ABCA13: variants seen among roughly 807,000 people sequenced by gnomAD.
The protein encoded by ABCA13 is ATP-binding cassette sub-family A member 13.
ABCA13 carries 476 observed loss-of-function variants against 478.7 expected under a neutral mutation model. That is an observed-to-expected ratio of 0.99 (90% CI 0.92 to 1.07). The LOEUF (loss-of-function observed/expected upper bound fraction) is 1.07, where lower values mean the gene tolerates loss of function less well. Among genes scored for constraint, ABCA13 ranks in the 50% least tolerant of loss-of-function variants. ABCA13 has a pLI of 0.00. For synonymous variants in ABCA13, 2,252 were observed against 2,158.9 expected (o/e 1.04, Z -1.20); for missense variants, 6,060 against 5,910.6 (o/e 1.03, Z -0.83).
Position 48,615,295 on chromosome 7 carries a change from T to C in ABCA13, c.14755T>C (p.Cys4919Arg). ...TTTCCTTCTTTACAGCATGGAGGAGTGTGAGGCTCTTTGCACAAGACTGGC... is the reference window on the plus strand; with the variant it reads ...TTTCCTTCTTTACAGCATGGAGGAGCGTGAGGCTCTTTGCACAAGACTGGC... ...AVLTSHSMEECEALCTRLAIM... is the reference protein window; with the variant it reads ...AVLTSHSMEEREALCTRLAIM... The change falls in exon 59 of 62, where the codon TGT (cysteine) becomes CGT (arginine). Residue 4919 changes from cysteine to arginine, a missense_variant. Physicochemically the swap from Cys to Arg is radical, Grantham distance 180. This residue lies in a region of ABCA13 where 1,627 missense variants were observed against 1,571.0 expected (regional missense o/e 1.04). Coordinates refer to ENST00000435803, the MANE Select transcript of ABCA13 (RefSeq NM_152701.5). 6.4e-7 allele frequency: 1 copy of C among 1,557,574 alleles called. No homozygotes were observed. The highest frequency in any genetic ancestry group is 8.7e-7 in the Non-Finnish European group (1 of 1,148,202).
chr7:48,209,307 G>GC (rs1785324392), intron 3 of ABCA13, among the ~76,000 whole-genome samples: 2 of 151,990 alleles, frequency 1.3e-5, no homozygotes, highest in African/African-American at 2.4e-5. Context: ...AGAAATATTG[G>GC]CCTCTGGTTT....
At chr7:48,348,325 G>A (rs964765851) in intron 29 of ABCA13, among the ~76,000 whole-genome samples, 3 of 151,952 alleles carry the variant, frequency 2.0e-5, no homozygotes, top group African/African-American at 4.9e-5. Context: ...ACTCGACGCT[G>A]TGGATCCTTC....
intron 46 of ABCA13, 43 bp downstream of exon 46, chr7:48,481,197 C>A (rs1485644649): frequency 7.1e-7 from 1 of 1,401,024 alleles, no homozygotes; most frequent in Non-Finnish European, 9.9e-7. Context: ...GTTTGGATTA[C>A]TATGGAAAAC....
At chr7:48,363,744 G>T (rs1392382125) in intron 31 of ABCA13, among the ~76,000 whole-genome samples, 1 of 151,750 alleles carries the variant, frequency 6.6e-6, no homozygotes, top group Non-Finnish European at 1.5e-5. Context: ...CTGATGGCTA[G>T]TTTTTTTCAC....
chr7:48,205,097 G>A (rs1003580803), intron 3 of ABCA13, among the ~76,000 whole-genome samples: 1 of 152,154 alleles, frequency 6.6e-6, no homozygotes, highest in African/African-American at 2.4e-5. Context: ...GGAATTATGT[G>A]CTTTTTGCTA....
chr7:48,242,962 A>G (rs964577700), intron 10 of ABCA13: 1 of 152,244 alleles, frequency 6.6e-6, no homozygotes, highest in South Asian at 2.1e-4. Context: ...TTTTCGTGTC[A>G]TTACAGACTG....
chr7:48,281,428 G>A lies in ABCA13; in HGVS notation c.8812G>A (p.Val2938Ile), dbSNP rs1334409232. 9 of 1,603,126 alleles carry A rather than the reference G, an allele frequency of 5.6e-6. No individual in the cohort carries two copies. Among genetic ancestry groups the A allele is most frequent in the African/African-American group, 4.0e-5 (3 of 74,780 alleles). ...EMLQKVKMMV[V>I]RVLTIVAENP... ...GCTGCAGAAAGTGAAGATGATGGTC[G>A]TACGTGTGCTCACCATCGTTGCAGG... Residue 2938 changes from valine (V) to isoleucine (I), a missense_variant, in exon 19 of 62, where the codon GTA becomes ATA. Transcript: ENST00000435803.
At chr7:48,479,348 C>T (rs1242105993) in intron 45 of ABCA13, among the ~76,000 whole-genome samples, 1 of 152,146 alleles carries the variant, frequency 6.6e-6, no homozygotes, top group East Asian at 1.9e-4. Flanking sequence ...AGCAATTCTT[C>T]TGCCTCAGCC....
rs1796305484 is a variant in ABCA13, at chr7:48,276,354, A to G, written c.6688A>G (p.Thr2230Ala). 2.6e-6 allele frequency: 4 copies of G among 1,551,514 alleles called. No individual in the cohort carries two copies. Among genetic ancestry groups the G allele is most frequent in the Non-Finnish European group, 3.5e-6 (4 of 1,148,612 alleles). The part of the protein sequence containing the change: ...SQEAAWNLND[T>A]DLQIMNFINL... ...GGAAGCAGCTTGGAACTTAAATGAT[A>G]CTGACCTTCAAATAATGAATTTCAT... Residue 2230 changes from threonine (T) to alanine (A), a missense_variant, in exon 17 of 62, where the codon ACT (threonine) becomes GCT (alanine). Around this residue, in one of 3 missense-constraint regions of ABCA13, gnomAD observed 4,423 missense variants for 4,309.1 expected, o/e 1.03. Transcript: ENST00000435803.
intron 15 of ABCA13, among the ~76,000 whole-genome samples, 188 bp downstream of exon 15, chr7:48,249,539 G>T (rs556671923): frequency 1.3e-4 from 20 of 152,258 alleles, no homozygotes; most frequent in African/African-American, 3.9e-4. Flanking sequence ...CTTACCAGAA[G>T]TCCTGGTTTG....
intron 60 of ABCA13, among the ~76,000 whole-genome samples, chr7:48,643,849 A>G (rs1490717425): frequency 6.6e-6 from 1 of 152,190 alleles, no homozygotes; most frequent in Admixed American, 6.5e-5. Flanking sequence ...AACCAGCAGC[A>G]TCTTCATTGC....
intron 53 of ABCA13, among the ~76,000 whole-genome samples, chr7:48,521,894 G>A (rs78137158): frequency 1.0e-3 from 154 of 152,202 alleles, no homozygotes; most frequent in Admixed American, 2.3e-3. Context: ...ATGACTGCAT[G>A]ACCCAGTCAA....
chr7:48,576,161 T>C (rs960229615), intron 55 of ABCA13, among the ~76,000 whole-genome samples: 3 of 152,280 alleles, frequency 2.0e-5, no homozygotes, highest in South Asian at 2.1e-4. Flanking sequence ...TGAGCATCTG[T>C]GGATTTTTAG....
chr7:48,198,677 A>G (rs1368762557), intron 3 of ABCA13, among the ~76,000 whole-genome samples: 1 of 152,194 alleles, frequency 6.6e-6, no homozygotes, highest in Non-Finnish European at 1.5e-5. Context: ...CCAACTTTTC[A>G]TTTTAGTGCC....
At position 48,524,434 on chromosome 7, in the gene ABCA13, AG is replaced by A; in HGVS notation, c.14240del (p.Gly4747GlufsTer7). ...AAGATATTAGTTTGGGCATACCAAA[AG>A]GAGAGGTAATGAAGCTTCTATTTTT... ...VQDISLGIPK[G>X]ECFGLLGVNG... On this transcript the variant is annotated frameshift_variant, in exon 54 of 62. Coordinates refer to ENST00000435803, the MANE Select transcript of ABCA13 (RefSeq NM_152701.5). LOFTEE classifies it high-confidence loss of function. 6.2e-7 allele frequency: 1 copy of A among 1,603,320 alleles called. No individual in the cohort carries two copies. The highest frequency in any genetic ancestry group is 8.5e-7 in the Non-Finnish European group (1 of 1,176,472).
intron 31 of ABCA13, among the ~76,000 whole-genome samples, chr7:48,358,411 AG>A (rs1253140827): frequency 6.6e-6 from 1 of 151,818 alleles, no homozygotes; most frequent in Non-Finnish European, 1.5e-5. Context: ...TTAGTGCCTA[AG>A]GGCCAGTGGT....
At chr7:48,598,621 T>C (rs1230057777) in intron 58 of ABCA13, among the ~76,000 whole-genome samples, 2 of 152,208 alleles carry the variant, frequency 1.3e-5, no homozygotes, top group Non-Finnish European at 2.9e-5. Context: ...AAATATGTAT[T>C]TCCAGTCTAT....
At chr7:48,435,389 C>T (rs1297979660) in intron 42 of ABCA13, among the ~76,000 whole-genome samples, 1 of 151,662 alleles carries the variant, frequency 6.6e-6, no homozygotes, top group African/African-American at 2.4e-5. Flanking sequence ...TTTATGAGTA[C>T]TAACATTTTG....
At chr7:48,379,288 A>G (rs1007912716) in intron 35 of ABCA13, among the ~76,000 whole-genome samples, 4 of 152,220 alleles carry the variant, frequency 2.6e-5, no homozygotes, top group Admixed American at 6.5e-5. Context: ...AAAGAATATA[A>G]TTGCCAGACA....
Sources: allele counts gnomAD v4.1 joint callset (sites outside exome capture counted in the v4.1 genomes callset), GRCh38; gene constraint gnomAD v4.1.1; regional missense constraint gnomAD v4.1.1; transcripts MANE v1.5; gene names NCBI Gene and HGNC (gene_info 2026-07-23, HGNC 2026-07-21).